The following POLR2E variants were observed in gnomAD, a reference collection of about 807,000 sequenced individuals.
POLR2E encodes the protein DNA-directed RNA polymerases I, II, and III subunit RPABC1.
In POLR2E, 35 loss-of-function variants were observed where a neutral mutation model predicts 29.8. The observed-to-expected ratio is 1.17, with a 90% CI of 0.90 to 1.55. The LOEUF (loss-of-function observed/expected upper bound fraction) is 1.55, where lower values mean the gene tolerates loss of function less well. Ranked by LOEUF, POLR2E falls within the 40% of genes most tolerant of loss-of-function variation. POLR2E has a pLI of 0.00. For synonymous variants in POLR2E, 174 were observed against 112.6 expected (o/e 1.55, Z -3.45); for missense variants, 287 against 288.6 (o/e 0.99, Z 0.04).
Position 1,095,344 on chromosome 19 carries a change from A to C in POLR2E, c.-29T>G, listed in dbSNP as rs769692230. The C allele has an allele frequency of 2.5e-6, 4 of 1,611,542 alleles. No individual in the cohort carries two copies. Among genetic ancestry groups the C allele is most frequent in the Non-Finnish European group, 3.4e-6 (4 of 1,179,194 alleles). On this transcript the variant is annotated 5_prime_UTR_variant, in exon 1 of 8. Transcript: ENST00000615234. Reference sequence around the variant, plus strand: ...AGCCTCCGCCGCCGCCGCCGCTCGCACCCCTTCTCCGCGCGAGAACCCGCG... The same window carrying C: ...AGCCTCCGCCGCCGCCGCCGCTCGCCCCCCTTCTCCGCGCGAGAACCCGCG...
At chr19:1,091,066 G>A (rs1568511593) in intron 3 of POLR2E, 78 bp from the exon 4 acceptor site, 4 of 1,287,220 alleles carry the variant, frequency 3.1e-6, no homozygotes, top group Admixed American at 3.7e-5. Flanking sequence ...CAAGCTACCT[G>A]GGGCTTACTC....
intron 2 of POLR2E, among the ~76,000 whole-genome samples, chr19:1,092,620 A>C (rs781290123): frequency 6.6e-6 from 1 of 152,018 alleles, no homozygotes; most frequent in Admixed American, 6.6e-5. Context: ...CCCGGGAGGC[A>C]GAGCTTGCAG....
intron 2 of POLR2E, among the ~76,000 whole-genome samples, chr19:1,092,776 G>A (rs2043865240): frequency 6.6e-6 from 1 of 151,554 alleles, no homozygotes; most frequent in Non-Finnish European, 1.5e-5. Flanking sequence ...AGCTTTTTGG[G>A]AGGCTGAGGT....
rs1443797421 is a variant in POLR2E at position 1,089,909 on chromosome 19, C to G, written c.542G>C (p.Arg181Pro). The change falls in exon 6 of 8, where the codon CGC becomes CCC. Residue 181 changes from arginine to proline, a missense_variant. Coordinates refer to ENST00000615234, the MANE Select transcript of POLR2E (RefSeq NM_002695.5). ...PRIQAGDPVARYFGIKRGQVV... is the reference protein window; with the variant it reads ...PRIQAGDPVAPYFGIKRGQVV... ...CTGCCCACGCTTTATCCCAAAGTAG[C>G]GCGCCACAGGGTCCCCCGCCTGGAT... The G allele has an allele frequency of 1.2e-6, 2 of 1,612,636 alleles. No individual in the cohort carries two copies. Among genetic ancestry groups the G allele is most frequent in the Non-Finnish European group, 1.7e-6 (2 of 1,179,834 alleles).
chr19:1,093,592 G>A (rs2043883460), intron 2 of POLR2E: 1 of 405,762 alleles, frequency 2.5e-6, no homozygotes, highest in Non-Finnish European at 3.9e-6. Context: ...CAACGGCCAG[G>A]ATGGGGGAGC....
intron 7 of POLR2E, among the ~76,000 whole-genome samples, chr19:1,089,241 C>T (rs945403204): frequency 6.6e-6 from 1 of 152,212 alleles, no homozygotes; most frequent in Non-Finnish European, 1.5e-5. Context: ...GAGACGCACG[C>T]CCCGCGTACC....
At chr19:1,091,099 C>T (rs915709165) in intron 3 of POLR2E, 111 bp from the exon 4 acceptor site, 72 of 846,400 alleles carry the variant, frequency 8.5e-5, no homozygotes, top group East Asian at 1.8e-4. Flanking sequence ...AACACACCCA[C>T]GTCGTGAATC....
Position 1,093,607 on chromosome 19 carries a change from G to T in POLR2E, c.232+297C>A, listed in dbSNP as rs567473413. The T allele has an allele frequency of 1.1e-4, 54 of 506,318 alleles. No homozygotes were observed. The East Asian group carries it at 2.8e-3, about 26-fold the overall frequency. The allele number at this position is 506,318 out of a possible 1,614,324, so 31.4% of individuals were successfully genotyped here. On this transcript the variant is annotated intron_variant, in intron 2 of 7. Transcript: ENST00000615234. ...CAACGGCCAGGATGGGGGAGCCAAG[G>T]GACACTAGGGCAAAGGACATGGGGG... is the stretch of plus-strand genomic sequence containing the variant.
intron 3 of POLR2E, among the ~76,000 whole-genome samples, chr19:1,091,288 G>T (rs889224286): frequency 6.6e-6 from 1 of 152,212 alleles, no homozygotes; most frequent in Non-Finnish European, 1.5e-5. Flanking sequence ...CCCATACAGG[G>T]GTGCTGCTCT....
intron 7 of POLR2E, among the ~76,000 whole-genome samples, chr19:1,089,118 T>C (rs574231537): frequency 6.6e-6 from 1 of 152,280 alleles, no homozygotes; most frequent in East Asian, 1.9e-4. Flanking sequence ...CTGTGCCTCC[T>C]CTCTCAGCTC....
At chr19:1,094,355 C>T (rs2043899015) in intron 1 of POLR2E, 3 of 439,470 alleles carry the variant, frequency 6.8e-6, no homozygotes, top group African/African-American at 6.1e-5. Flanking sequence ...GGAGCAAAGC[C>T]CTCCAAACCA....
Position 1,086,741 on chromosome 19 carries a change from C to A in POLR2E, c.*1994G>T, listed in dbSNP as rs1184066425. 6.6e-6 allele frequency: 1 copy of A among 152,180 alleles called. No homozygotes were observed. The highest frequency in any genetic ancestry group is 6.5e-5 in the Admixed American group (1 of 15,280). 9.4% of individuals were successfully genotyped at this position (152,180 alleles called of 1,614,324 possible). On this transcript the variant is annotated 3_prime_UTR_variant, in exon 8 of 8. Coordinates refer to ENST00000615234, the MANE Select transcript of POLR2E (RefSeq NM_002695.5). The stretch of plus-strand genomic sequence containing the variant: ...CCCGTGGCGTGGCCCTGGGCCTCCC[C>A]CTAGGGGAGGGATGTGTGAGGAAGG...
At chr19:1,093,870 C>A (rs758325944) in intron 2 of POLR2E, 34 bp downstream of exon 2, 146 of 1,535,714 alleles carry the variant, frequency 9.5e-5, no homozygotes, top group Middle Eastern at 4.5e-4. Context: ...GCTCTGGTGG[C>A]TTCACCGGAA....
chr19:1,092,889 A>ATTAATTAATTAATTAAT, intron 2 of POLR2E, among the ~76,000 whole-genome samples: 1 of 144,478 alleles, frequency 6.9e-6, no homozygotes, highest in South Asian at 2.2e-4. Flanking sequence ...TCTCAAAAAA[A>ATTAATTAATTAATTAAT]AAAAAAAAAA....
intron 2 of POLR2E, 167 bp downstream of exon 2, chr19:1,093,737 G>C: frequency 7.1e-7 from 1 of 1,408,064 alleles, no homozygotes; most frequent in Non-Finnish European, 9.2e-7. Flanking sequence ...AGGGGTCAGA[G>C]ATCAACGGCA....
chr19:1,094,933 A>G, intron 1 of POLR2E: 2 of 421,994 alleles, frequency 4.7e-6, no homozygotes, highest in South Asian at 4.3e-5. Context: ...GCTGAATCAC[A>G]GAGAAGGGCA....
Position 1,087,895 on chromosome 19 carries a change from G to A in POLR2E, c.*840C>T, listed in dbSNP as rs2043739860. On this transcript the variant is annotated 3_prime_UTR_variant, in exon 8 of 8. Transcript: ENST00000615234. ...TGAAATCAGACAGTAAGCAAACGGG[G>A]AAGTAGAGCCAGATCCCAAACGTCT... 6.6e-6 allele frequency: 1 copy of A among 152,298 alleles called. No individual in the cohort carries two copies. The highest frequency in any genetic ancestry group is 2.1e-4 in the South Asian group (1 of 4,830). 9.4% of individuals were successfully genotyped at this position (152,298 alleles called of 1,614,324 possible).
At chr19:1,093,167 C>T (rs1260295803) in intron 2 of POLR2E, among the ~76,000 whole-genome samples, 2 of 151,872 alleles carry the variant, frequency 1.3e-5, no homozygotes, top group Non-Finnish European at 2.9e-5. Flanking sequence ...GCCTGGGCGA[C>T]AGATTGAGAC....
At chr19:1,090,763 C>G (rs2043812217) in intron 4 of POLR2E, 145 bp downstream of exon 4, 2 of 698,720 alleles carry the variant, frequency 2.9e-6, no homozygotes, top group Admixed American at 5.8e-5. Flanking sequence ...TGCTGCAGGC[C>G]CAGGGCCACC....
Sources: allele counts gnomAD v4.1 joint callset (sites outside exome capture counted in the v4.1 genomes callset), GRCh38; gene constraint gnomAD v4.1.1; transcripts MANE v1.5; gene names NCBI Gene and HGNC (gene_info 2026-07-23, HGNC 2026-07-21).